The following SLC16A5 variants were observed in gnomAD, a reference collection of about 807,000 sequenced individuals.
The protein encoded by SLC16A5 is monocarboxylate transporter 6.
A neutral mutation model predicts 33.2 loss-of-function variants in SLC16A5; 29 were observed. The ratio of observed to expected loss-of-function variants is 0.87; its 90% CI spans 0.65 to 1.19. The LOEUF (loss-of-function observed/expected upper bound fraction) is 1.19, where lower values mean the gene tolerates loss of function less well. Ranked by LOEUF, SLC16A5 falls within the 50% of genes most tolerant of loss-of-function variation. SLC16A5 has a pLI of 0.00. For missense variants in SLC16A5, 606 were observed against 678.2 expected (o/e 0.89, Z 1.18); for synonymous variants, 248 against 284.1 (o/e 0.87, Z 1.28).
At chr17:75,105,266 G>A (rs1446478582) in intron 6 of SLC16A5, 62 of 985,316 alleles carry the variant, frequency 6.3e-5, no homozygotes, top group Non-Finnish European at 7.5e-5. Context: ...GCTCTATCAA[G>A]GGGCTTCCTC....
chr17:75,105,604 G>T (rs544507497), intron 6 of SLC16A5: 1 of 985,210 alleles, frequency 1.0e-6, no homozygotes, highest in African/African-American at 1.7e-5. Context: ...ACCACCCAGG[G>T]GCTGGCTGTC....
chr17:75,099,522 A>C (rs990986601), intron 4 of SLC16A5, among the ~76,000 whole-genome samples: 2 of 151,770 alleles, frequency 1.3e-5, no homozygotes, highest in Non-Finnish European at 2.9e-5. Context: ...GCTCACTGCA[A>C]CCTCCACTTC....
chr17:75,089,027 G>A (rs182686152), intron 1 of SLC16A5, 124 bp from the exon 2 acceptor site: 3 of 152,338 alleles, frequency 2.0e-5, no homozygotes, highest in African/African-American at 7.2e-5. Context: ...TGAGAGCTGA[G>A]CTTGGCAGCC....
chr17:75,104,110 G>GATGC lies in SLC16A5; in HGVS notation c.1295_1298dup (p.Leu434CysfsTer21). 1 of 1,614,264 alleles carries GATGC rather than the reference G, an allele frequency of 6.2e-7. No homozygotes were observed. The highest frequency in any genetic ancestry group is 8.5e-7 in the Non-Finnish European group (1 of 1,180,054). On this transcript the variant is annotated frameshift_variant, in exon 6 of 7. Coordinates refer to ENST00000329783, the MANE Select transcript of SLC16A5 (RefSeq NM_004695.4). LOFTEE classifies it high-confidence loss of function. ...GCAAGGCAAGCAGGCTGTCGCGGCGGATGCCCTGGAGCGGGATCTTTTCTT... is the reference window on the plus strand; with the variant it reads ...GCAAGGCAAGCAGGCTGTCGCGGCGGATGCATGCCCTGGAGCGGGATCTTTTCTT...
intron 6 of SLC16A5, chr17:75,104,793 C>A: frequency 1.0e-6 from 1 of 985,374 alleles, no homozygotes; most frequent in Non-Finnish European, 1.2e-6. Context: ...AGGAGCAGGC[C>A]CTCCGGACTT....
chr17:75,092,906 C>T (rs73995757), intron 2 of SLC16A5, among the ~76,000 whole-genome samples: 1 of 151,250 alleles, frequency 6.6e-6, no homozygotes, highest in Admixed American at 6.6e-5. Context: ...GCCTTGAGCT[C>T]TGTTTGAAAG....
intron 4 of SLC16A5, 112 bp from the exon 5 acceptor site, chr17:75,099,895 T>G: frequency 9.8e-7 from 1 of 1,016,900 alleles, no homozygotes; most frequent in South Asian, 1.6e-5. Context: ...GAGCTGGGTA[T>G]GGACTAGAAC....
At chr17:75,109,159 G>A (rs1046359270), downstream of SLC16A5, among the ~76,000 whole-genome samples, 1 of 152,126 alleles carries the variant, frequency 6.6e-6, no homozygotes, top group African/African-American at 2.4e-5. The surrounding 1 kb of genome is among the most constrained non-coding windows in gnomAD (Gnocchi z 5.0). Context: ...CTCCGAGAAG[G>A]AATCGGCCGA....
Position 75,100,767 on chromosome 17 carries a change from C to A in SLC16A5, c.1104C>A (p.Leu368=), listed in dbSNP as rs1465994207. 1.2e-6 allele frequency: 2 copies of A among 1,613,390 alleles called. No individual in the cohort carries two copies. Among genetic ancestry groups the A allele is most frequent in the Non-Finnish European group, 1.7e-6 (2 of 1,179,628 alleles). The change falls in exon 5 of 7, where the codon CTC becomes CTA. Residue 368 remains leucine, a synonymous_variant. Transcript: ENST00000329783. Reference sequence around the variant, plus strand: ...ATCAGTTCCCCAGAGCCCTGGGACTCTTCACTGTCCTGGACGGCCTTGCTT... The same window carrying A: ...ATCAGTTCCCCAGAGCCCTGGGACTATTCACTGTCCTGGACGGCCTTGCTT... ...PMDQFPRALG[L]FTVLDGLAFL...
intron 2 of SLC16A5, among the ~76,000 whole-genome samples, chr17:75,092,026 G>GTGTGTGTGTGTGTGTGT (rs1555644925): frequency 1.6e-5 from 1 of 61,790 alleles, no homozygotes; most frequent in African/African-American, 9.8e-5. Context: ...AGATGTGAGG[G>GTGTGTGTGTGTGTGTGT]GGGTGTGTGT....
downstream of SLC16A5, among the ~76,000 whole-genome samples, chr17:75,109,415 G>A (rs552918728): frequency 1.3e-5 from 2 of 152,306 alleles, no homozygotes; most frequent in African/African-American, 4.8e-5. The surrounding 1 kb of genome is among the most constrained non-coding windows in gnomAD (Gnocchi z 5.0). Flanking sequence ...AGGAGCTGAC[G>A]CCCGCGCTCC....
chr17:75,099,831 C>A (rs1325218622), intron 4 of SLC16A5, 176 bp from the exon 5 acceptor site: 2 of 622,150 alleles, frequency 3.2e-6, no homozygotes, highest in African/African-American at 1.8e-5. Context: ...GGGTGGGGTG[C>A]CTACAGGGAG....
At chr17:75,101,065 G>T (rs1232283732) in intron 5 of SLC16A5, among the ~76,000 whole-genome samples, 1 of 151,648 alleles carries the variant, frequency 6.6e-6, no homozygotes, top group Non-Finnish European at 1.5e-5. Context: ...TGGCCAACAT[G>T]GTGAAACCCC....
chr17:75,094,865 C>T (rs767840883), intron 3 of SLC16A5, among the ~76,000 whole-genome samples: 10 of 152,000 alleles, frequency 6.6e-5, no homozygotes, highest in Non-Finnish European at 1.3e-4. Flanking sequence ...GCTGGCTTTT[C>T]CAGGAGTGTG....
At chr17:75,099,748 T>C (rs2073765596) in intron 4 of SLC16A5, among the ~76,000 whole-genome samples, 5 of 151,832 alleles carry the variant, frequency 3.3e-5, no homozygotes, top group Admixed American at 3.3e-4. Context: ...CCAATTTGGG[T>C]TTTTAAAAGA....
chr17:75,097,171 C>T (rs2073731107), intron 3 of SLC16A5, among the ~76,000 whole-genome samples: 1 of 152,054 alleles, frequency 6.6e-6, no homozygotes, highest in Non-Finnish European at 1.5e-5. Flanking sequence ...CACACATCCC[C>T]CCTCCACCGC....
downstream of SLC16A5, among the ~76,000 whole-genome samples, chr17:75,109,233 G>A (rs1161313177): frequency 6.6e-6 from 1 of 152,150 alleles, no homozygotes; most frequent in Non-Finnish European, 1.5e-5. This position sits in a 1 kb window ranked among gnomAD's most constrained non-coding sequence, Gnocchi z 5.0. Context: ...GGGCTCCCCC[G>A]TGCTGCCCCG....
At chr17:75,088,942 A>G (rs2144975703) in intron 1 of SLC16A5, 1 of 152,362 alleles carries the variant, frequency 6.6e-6, no homozygotes, top group Admixed American at 6.5e-5. Context: ...AGTATCGTCT[A>G]AACTTCTCCC....
At chr17:75,093,957 A>G (rs2073681195) in intron 3 of SLC16A5, 122 bp downstream of exon 3, 1 of 1,403,064 alleles carries the variant, frequency 7.1e-7, no homozygotes, top group South Asian at 1.4e-5. Flanking sequence ...GTGAATTCCT[A>G]AGGTTTCACC....
Sources: allele counts gnomAD v4.1 joint callset (sites outside exome capture counted in the v4.1 genomes callset), GRCh38; gene constraint gnomAD v4.1.1; non-coding constraint Gnocchi (gnomAD v3.1); transcripts MANE v1.5; gene names NCBI Gene and HGNC (gene_info 2026-07-23, HGNC 2026-07-21).